The following MSANTD2 variants were observed in gnomAD, a reference collection of about 807,000 sequenced individuals.
MSANTD2 encodes myb/SANT-like DNA-binding domain-containing protein 2.
In MSANTD2, 19 loss-of-function variants were observed where a neutral mutation model predicts 52.6. The observed-to-expected ratio is 0.36, with a 90% CI of 0.25 to 0.53. The LOEUF is 0.53. Ranked by LOEUF, MSANTD2 falls within the 20% of genes least tolerant of loss-of-function variation. The probability of loss-of-function intolerance (pLI) is 0.91; values close to 1 mark genes in which losing one functional copy is unlikely to be tolerated. For synonymous variants in MSANTD2, 291 were observed against 289.7 expected (o/e 1.00, Z -0.04); for missense variants, 558 against 716.3 (o/e 0.78, Z 2.52).
chr11:124,799,830 TCTGCCTCTGGTTCG>T, intron 1 of MSANTD2, 27 bp downstream of exon 1: 6 of 1,493,002 alleles, frequency 4.0e-6, no homozygotes, highest in Non-Finnish European at 5.4e-6. Flanking sequence ...CCGCCTTCTC[TCTGCCTCTGGTTCG>T]CTGCCCCAGG....
At chr11:124,782,337 A>G (rs1456979753) in intron 1 of MSANTD2, among the ~76,000 whole-genome samples, 1 of 151,936 alleles carries the variant, frequency 6.6e-6, no homozygotes, top group East Asian at 1.9e-4. Context: ...CTGCAGTCTC[A>G]GCTACTGGGG....
chr11:124,791,640 C>T, intron 1 of MSANTD2: 1 of 1,477,018 alleles, frequency 6.8e-7, no homozygotes, highest in Admixed American at 1.7e-5. Flanking sequence ...TCCTTCCAGA[C>T]TTTCTTTGCA....
At chr11:124,786,107 T>C (rs1945151500) in intron 1 of MSANTD2, among the ~76,000 whole-genome samples, 1 of 149,350 alleles carries the variant, frequency 6.7e-6, no homozygotes, top group Non-Finnish European at 1.5e-5. Flanking sequence ...TTTTTTTTTT[T>C]TTTTTTTTTT....
intron 1 of MSANTD2, among the ~76,000 whole-genome samples, chr11:124,778,550 G>C (rs574519639): frequency 5.9e-5 from 9 of 152,272 alleles, no homozygotes; most frequent in African/African-American, 2.2e-4. Flanking sequence ...GGAAAACCTG[G>C]ACTGAAGAAC....
Position 124,769,307 on chromosome 11 carries a change from G to T in MSANTD2, c.828-1279C>A, listed in dbSNP as rs1482244687. On this transcript the variant is annotated intron_variant, in intron 3 of 3. Transcript: ENST00000374979. Reference sequence around the variant, plus strand: ...TGCTTCTTGGAGCTAAGACTGCCCTGAATTTACCCTCTATCCTTTAGTTTG... The same window carrying T: ...TGCTTCTTGGAGCTAAGACTGCCCTTAATTTACCCTCTATCCTTTAGTTTG... Among the ~76,000 whole-genome samples the T allele has an allele frequency of 3.9e-5, 6 of 152,182 alleles. No homozygotes were observed. In the East Asian group the frequency reaches 1.2e-3, roughly 29 times the overall value.
At chr11:124,794,131 T>C (rs896421769) in intron 1 of MSANTD2, among the ~76,000 whole-genome samples, 4 of 152,204 alleles carry the variant, frequency 2.6e-5, no homozygotes, top group African/African-American at 4.8e-5. Flanking sequence ...ATAGAGAATA[T>C]TTCCATCATC....
At chr11:124,785,344 C>T (rs1346397567) in intron 1 of MSANTD2, among the ~76,000 whole-genome samples, 1 of 152,110 alleles carries the variant, frequency 6.6e-6, no homozygotes, top group Non-Finnish European at 1.5e-5. Flanking sequence ...AGAGAGTGTC[C>T]CTGGAAAGAG....
At chr11:124,799,355 A>C (rs1293884568) in intron 1 of MSANTD2, among the ~76,000 whole-genome samples, 1 of 152,258 alleles carries the variant, frequency 6.6e-6, no homozygotes, top group African/African-American at 2.4e-5. Context: ...AGATAGAAGC[A>C]AAGCGACTGA....
At chr11:124,786,329 A>G (rs1483881879) in intron 1 of MSANTD2, among the ~76,000 whole-genome samples, 1 of 152,046 alleles carries the variant, frequency 6.6e-6, no homozygotes, top group African/African-American at 2.4e-5. Flanking sequence ...ATATGCTGAT[A>G]TGTTTTGTTT....
chr11:124,771,928 C>T (rs531645990), intron 3 of MSANTD2, among the ~76,000 whole-genome samples: 1 of 152,220 alleles, frequency 6.6e-6, no homozygotes, highest in South Asian at 2.1e-4. Flanking sequence ...AAATGAATGG[C>T]GTTCCTTACT....
intron 1 of MSANTD2, among the ~76,000 whole-genome samples, chr11:124,783,009 C>T (rs1309961624): frequency 6.6e-6 from 1 of 152,118 alleles, no homozygotes; most frequent in African/African-American, 2.4e-5. Flanking sequence ...CTCTGCAGCC[C>T]TGTCCAAATT....
At chr11:124,781,075 C>T (rs1447771204) in intron 1 of MSANTD2, among the ~76,000 whole-genome samples, 4 of 150,552 alleles carry the variant, frequency 2.7e-5, no homozygotes, top group African/African-American at 4.9e-5. Flanking sequence ...CCCAGCTACT[C>T]GGGAAGCTGA....
intron 1 of MSANTD2, among the ~76,000 whole-genome samples, chr11:124,789,089 A>G (rs945933351): frequency 1.3e-5 from 2 of 152,216 alleles, no homozygotes; most frequent in African/African-American, 4.8e-5. Flanking sequence ...GAATGAATGA[A>G]TGGAAAATTC....
chr11:124,800,150 C>T lies in MSANTD2; in HGVS notation c.231G>A (p.Ser77=). ...GLGLGGRSAA[S]SSVSFSPGGG... ...CACCAGGGGAGAAGGAGACCGAGGA[C>T]GAGGCGGCGCTGCGGCCCCCCAGCC... Residue 77 remains serine (S), a synonymous_variant, in exon 1 of 4, where the codon TCG becomes TCA. Transcript: ENST00000374979. This position sits in a 1 kb window ranked among gnomAD's most constrained non-coding sequence, Gnocchi z 4.3. 2.0e-6 allele frequency: 3 copies of T among 1,473,652 alleles called. No homozygotes were observed. The highest frequency in any genetic ancestry group is 2.7e-6 in the Non-Finnish European group (3 of 1,120,642). The allele number at this position is 1,473,652 out of a possible 1,614,324, so 91.3% of individuals were successfully genotyped here. A position where few individuals can be genotyped will look rare whatever the true frequency, so the allele number is the denominator to read the frequency against.
At chr11:124,771,691 C>G (rs1160749157) in intron 3 of MSANTD2, among the ~76,000 whole-genome samples, 1 of 152,202 alleles carries the variant, frequency 6.6e-6, no homozygotes, top group Non-Finnish European at 1.5e-5. Flanking sequence ...CACAGTGAGC[C>G]AAGATTGCAC....
At chr11:124,783,446 CCT>C (rs1029210014) in intron 1 of MSANTD2, among the ~76,000 whole-genome samples, 3 of 152,100 alleles carry the variant, frequency 2.0e-5, no homozygotes, top group African/African-American at 7.2e-5. Context: ...CAGGAGATAC[CCT>C]GTCTCTTCTA....
At position 124,767,849 on chromosome 11, in the gene MSANTD2, C is replaced by T. The variant is rs372685614; in HGVS notation, c.1007G>A (p.Ser336Asn). ...EDIRYHYAEI[S>N]SQVPLGKRLR... Reference sequence around the variant, plus strand: ...TCGCTTGCCAAGGGGCACCTGGGAGCTGATCTCAGCATAATGGTAACGGAT... The same window carrying T: ...TCGCTTGCCAAGGGGCACCTGGGAGTTGATCTCAGCATAATGGTAACGGAT... The change falls in exon 4 of 4, where the codon AGC becomes AAC. Residue 336 changes from serine to asparagine, a missense_variant. By Grantham distance (46) the Ser-to-Asn change is conservative. Around this residue, in one of 2 missense-constraint regions of MSANTD2, gnomAD observed 408 missense variants for 573.6 expected, o/e 0.71. Transcript: ENST00000374979. This position sits in a 1 kb window ranked among gnomAD's most constrained non-coding sequence, Gnocchi z 6.5. 10 of 1,614,086 alleles carry T rather than the reference C, an allele frequency of 6.2e-6. No individual in the cohort carries two copies. Among genetic ancestry groups the T allele is most frequent in the Non-Finnish European group, 8.5e-6 (10 of 1,180,030 alleles).
intron 1 of MSANTD2, among the ~76,000 whole-genome samples, chr11:124,787,308 G>C (rs773667386): frequency 2.0e-5 from 3 of 152,220 alleles, no homozygotes; most frequent in Non-Finnish European, 2.9e-5. Context: ...ATCAGTGTCA[G>C]AGTCATGTTG....
intron 1 of MSANTD2, among the ~76,000 whole-genome samples, chr11:124,780,450 A>G (rs1409598472): frequency 6.6e-6 from 1 of 152,274 alleles, no homozygotes; most frequent in Non-Finnish European, 1.5e-5. Context: ...TTACTGCTAC[A>G]GAACAAGTTT....
Sources: gnomAD v4.1 joint callset for allele counts (sites outside exome capture counted in the v4.1 genomes callset) on GRCh38, gnomAD v4.1.1 for gene constraint, gnomAD v4.1.1 regional missense constraint, Gnocchi (gnomAD v3.1) non-coding constraint, MANE v1.5 for transcripts, NCBI Gene and HGNC (gene_info 2026-07-23, HGNC 2026-07-21) for gene names.